Variants in EPG5 observed in about 807,000 individuals in gnomAD.
The protein encoded by EPG5 is ectopic P granules protein 5 homolog.
Under a neutral mutation model 302.7 loss-of-function variants are expected in EPG5, and 159 were observed. The ratio of observed to expected loss-of-function variants is 0.53; its 90% CI spans 0.46 to 0.60. The LOEUF (loss-of-function observed/expected upper bound fraction) is 0.60, where lower values mean the gene tolerates loss of function less well. EPG5 is among the 20% of genes least tolerant of loss of function. The pLI is 0.00. For synonymous variants in EPG5, 1,158 were observed against 1,136.8 expected (o/e 1.02, Z -0.37); for missense variants, 2,896 against 3,092.4 (o/e 0.94, Z 1.51).
At chr18:45,847,367 A>C (rs1343074950), downstream of EPG5, among the ~76,000 whole-genome samples, 1 of 152,164 alleles carries the variant, frequency 6.6e-6, no homozygotes, top group African/African-American at 2.4e-5. Flanking sequence ...TCAAGGCCAC[A>C]TCACAGACCC....
the EPG5 span, among the ~76,000 whole-genome samples, chr18:45,830,490 A>T: frequency 6.6e-6 from 1 of 152,218 alleles, no homozygotes; most frequent in East Asian, 1.9e-4. Flanking sequence ...GAATTTCGCT[A>T]TGAAAGACCA....
intron 21 of EPG5, 137 bp from the exon 22 acceptor site, chr18:45,912,593 A>C: frequency 2.2e-6 from 2 of 913,978 alleles, no homozygotes; most frequent in Non-Finnish European, 1.6e-6. Flanking sequence ...GTCACATAAA[A>C]CTCACTTCTC....
At chr18:45,880,257 C>T in intron 31 of EPG5, 34 bp from the exon 32 acceptor site, 1 of 1,526,042 alleles carries the variant, frequency 6.6e-7, no homozygotes, top group Non-Finnish European at 8.8e-7. Context: ...AAGTCAGTGG[C>T]TTTCCCGAAA....
intron 9 of EPG5, among the ~76,000 whole-genome samples, chr18:45,941,419 A>C (rs1324689071): frequency 6.6e-6 from 1 of 152,130 alleles, no homozygotes; most frequent in African/African-American, 2.4e-5. Flanking sequence ...CGGTGGGAGG[A>C]AAAGCAAGTT....
chr18:45,803,762 A>T, the EPG5 span, among the ~76,000 whole-genome samples: 1 of 152,176 alleles, frequency 6.6e-6, no homozygotes, highest in Non-Finnish European at 1.5e-5. Flanking sequence ...GGCCACTCAG[A>T]AAAAAACAGA....
intron 14 of EPG5, among the ~76,000 whole-genome samples, chr18:45,924,765 TACA>T (rs2050234010): frequency 6.6e-6 from 1 of 152,184 alleles, no homozygotes. Flanking sequence ...GTTTAACCTT[TACA>T]ACAACTCTAT....
At chr18:45,877,884 G>T (rs2049006907) in intron 34 of EPG5, among the ~76,000 whole-genome samples, 1 of 152,110 alleles carries the variant, frequency 6.6e-6, no homozygotes, top group South Asian at 2.1e-4. Flanking sequence ...GGAAAAAAAA[G>T]ACTCAGAAGG....
chr18:45,800,885 T>C, the EPG5 span, among the ~76,000 whole-genome samples: 1 of 152,238 alleles, frequency 6.6e-6, no homozygotes. Flanking sequence ...GTGAGCGTCT[T>C]GATACCTGTT....
intron 43 of EPG5, among the ~76,000 whole-genome samples, chr18:45,854,797 G>C (rs1291113878): frequency 6.6e-6 from 1 of 152,186 alleles, no homozygotes; most frequent in Non-Finnish European, 1.5e-5. Flanking sequence ...GGAGTTCAAG[G>C]CTGCAGTGAG....
intron 16 of EPG5, among the ~76,000 whole-genome samples, chr18:45,921,375 TAG>T: frequency 6.6e-6 from 1 of 152,100 alleles, no homozygotes; most frequent in East Asian, 1.9e-4. Flanking sequence ...GACAAATAAA[TAG>T]ACTAGAAAAA....
In EPG5 at chr18:45,862,156, T is replaced by C. The variant is rs537768384; in HGVS notation, c.6767-1810A>G. Among the ~76,000 whole-genome samples, 44 of 152,348 alleles carry C rather than the reference T, an allele frequency of 2.9e-4. No homozygotes were observed. The South Asian group carries it at 8.5e-3, about 29-fold the overall frequency. The stretch of plus-strand genomic sequence containing the variant: ...ACATTCTAACTTCATTTCTCCACTG[T>C]TGCCATAGCCCAACAAACCATTTCT... On this transcript the variant is annotated intron_variant, in intron 39 of 43. Transcript: ENST00000282041.
intron 28 of EPG5, 83 bp downstream of exon 28, chr18:45,889,715 G>T: frequency 8.1e-7 from 1 of 1,242,196 alleles, no homozygotes; most frequent in Non-Finnish European, 1.1e-6. Context: ...GTGCTGCAGG[G>T]GTGGTGGTGG....
In EPG5 at chr18:45,967,278, A is replaced by G. The variant is rs572121988; in HGVS notation, c.-39T>C. On this transcript the variant is annotated 5_prime_UTR_variant, in exon 1 of 44. Transcript: ENST00000282041. ...GCGCCGTCACCGTTTGTTTTTGTCA[A>G]ACCCCTGCGCTTCAAGCAACCTGCC... 3.2e-6 allele frequency: 5 copies of G among 1,544,554 alleles called. No homozygotes were observed. The South Asian group carries it at 6.0e-5, about 19-fold the overall frequency.
At chr18:45,921,157 A>G (rs942793088) in intron 16 of EPG5, among the ~76,000 whole-genome samples, 1 of 152,232 alleles carries the variant, frequency 6.6e-6, no homozygotes, top group African/African-American at 2.4e-5. Flanking sequence ...TCATCTCAAC[A>G]AAACTGTCAA....
chr18:45,825,167 G>GGAGGGAGGAAGA, the EPG5 span, among the ~76,000 whole-genome samples: 3 of 127,302 alleles, frequency 2.4e-5, no homozygotes, highest in African/African-American at 8.3e-5. Flanking sequence ...AGGGAGGGAG[G>GGAGGGAGGAAGA]GAGGGAGGAA....
Position 45,852,301 on chromosome 18 carries a change from A to ACC in EPG5, c.*165_*166insGG, listed in dbSNP as rs1170501452. 1.6e-6 allele frequency: 1 copy of ACC among 607,216 alleles called. No homozygotes were observed. The highest frequency in any genetic ancestry group is 1.9e-5 in the African/African-American group (1 of 53,370). 37.6% of individuals were successfully genotyped at this position (607,216 alleles called of 1,614,324 possible). On this transcript the variant is annotated 3_prime_UTR_variant, in exon 44 of 44. Coordinates refer to ENST00000282041, the MANE Select transcript of EPG5 (RefSeq NM_020964.3). ...AGAAAACACACACACACACACACAC[A>ACC]CACCCCAAAATTATCTAATATCTAA...
the EPG5 span, among the ~76,000 whole-genome samples, chr18:45,827,075 C>A: frequency 6.6e-6 from 1 of 152,162 alleles, no homozygotes; most frequent in Non-Finnish European, 1.5e-5. Context: ...CCACCACGCC[C>A]AGCTAATTTT....
chr18:45,821,252 CA>C, the EPG5 span, among the ~76,000 whole-genome samples: 1 of 152,200 alleles, frequency 6.6e-6, no homozygotes, highest in Admixed American at 6.5e-5. Context: ...CTCTCTGAAG[CA>C]CTGTGAGAAA....
chr18:45,826,926 C>A, the EPG5 span, among the ~76,000 whole-genome samples: 1 of 152,116 alleles, frequency 6.6e-6, no homozygotes, highest in African/African-American at 2.4e-5. Context: ...TTGTTTGTTT[C>A]TCTTTGGAGA....
Sources: gnomAD v4.1 joint callset for allele counts (sites outside exome capture counted in the v4.1 genomes callset) on GRCh38, gnomAD v4.1.1 for gene constraint, MANE v1.5 for transcripts, NCBI Gene and HGNC (gene_info 2026-07-23, HGNC 2026-07-21) for gene names.